Variants in RBFOX1 observed in about 807,000 individuals in gnomAD.
RBFOX1 encodes the protein RNA binding protein fox-1 homolog 1.
RBFOX1 carries 8 observed loss-of-function variants against 57.7 expected under a neutral mutation model. The ratio of observed to expected loss-of-function variants is 0.14; its 90% CI spans 0.08 to 0.25. The LOEUF is 0.25. RBFOX1 is among the 10% of genes least tolerant of loss of function. The pLI, the probability that RBFOX1 is intolerant of heterozygous loss-of-function variation, is 1.00. For missense variants in RBFOX1, 611 were observed against 548.5 expected (o/e 1.11, Z -1.14); for synonymous variants, 326 against 222.4 (o/e 1.47, Z -4.15).
At chr16:5,877,142 A>T (rs2151911913) in intron 4 of RBFOX1, among the ~76,000 whole-genome samples, 1 of 152,350 alleles carries the variant, frequency 6.6e-6, no homozygotes, top group South Asian at 2.1e-4. Context: ...GAGGGAAAAG[A>T]GATTGTGTCT....
At chr16:5,656,405 G>A (rs1470126030) in intron 3 of RBFOX1, among the ~76,000 whole-genome samples, 1 of 152,076 alleles carries the variant, frequency 6.6e-6, no homozygotes, top group Non-Finnish European at 1.5e-5. Flanking sequence ...TAAGAGTGCT[G>A]GTTGGAATAA....
intron 4 of RBFOX1, among the ~76,000 whole-genome samples, chr16:7,217,450 A>G (rs1309790483): frequency 6.6e-6 from 1 of 151,782 alleles, no homozygotes; most frequent in African/African-American, 2.4e-5. Flanking sequence ...AGCAGGATTT[A>G]TGAGCGAAAG....
At chr16:7,049,649 C>T (rs2049279886) in intron 3 of RBFOX1, among the ~76,000 whole-genome samples, 1 of 152,066 alleles carries the variant, frequency 6.6e-6, no homozygotes, top group Non-Finnish European at 1.5e-5. Context: ...GGTAATTCAC[C>T]ACTTATGTGG....
intron 4 of RBFOX1, among the ~76,000 whole-genome samples, chr16:7,289,758 C>T (rs1372761384): frequency 6.6e-6 from 1 of 152,066 alleles, no homozygotes; most frequent in Non-Finnish European, 1.5e-5. Flanking sequence ...TGTATTAGTC[C>T]ATGCTATCAA....
chr16:6,849,402 C>T (rs1471545468), intron 3 of RBFOX1, among the ~76,000 whole-genome samples: 4 of 152,264 alleles, frequency 2.6e-5, no homozygotes, highest in African/African-American at 9.6e-5. Flanking sequence ...GGTGTGGTGG[C>T]TCACACCTGT....
intron 5 of RBFOX1, among the ~76,000 whole-genome samples, chr16:7,520,261 TG>T (rs1409596860): frequency 6.6e-6 from 1 of 152,218 alleles, no homozygotes; most frequent in African/African-American, 2.4e-5. Flanking sequence ...TAATTTATTG[TG>T]GTAAAATACA....
chr16:6,601,341 T>G (rs944948840), intron 2 of RBFOX1, among the ~76,000 whole-genome samples: 1 of 152,144 alleles, frequency 6.6e-6, no homozygotes, highest in African/African-American at 2.4e-5. Context: ...TCATTAGAGT[T>G]TCTTGTCTAC....
chr16:5,913,269 C>A (rs1397992516), intron 4 of RBFOX1, among the ~76,000 whole-genome samples: 1 of 152,188 alleles, frequency 6.6e-6, no homozygotes, highest in Non-Finnish European at 1.5e-5. Flanking sequence ...CCACCCCTAC[C>A]ATGTATGGGT....
At chr16:7,393,362 A>T (rs1432538649) in intron 4 of RBFOX1, among the ~76,000 whole-genome samples, 1 of 152,194 alleles carries the variant, frequency 6.6e-6, no homozygotes, top group East Asian at 1.9e-4. Flanking sequence ...TCTGGATGTC[A>T]ATCCACAAGT....
intron 4 of RBFOX1, among the ~76,000 whole-genome samples, chr16:7,385,915 G>A (rs1057283523): frequency 1.2e-4 from 11 of 88,966 alleles, no homozygotes; most frequent in Non-Finnish European, 2.3e-4. Flanking sequence ...ACCATGCCCA[G>A]TTACTTATTT....
chr16:6,350,984 G>A (rs2086254083), intron 2 of RBFOX1, among the ~76,000 whole-genome samples: 1 of 152,154 alleles, frequency 6.6e-6, no homozygotes, highest in Admixed American at 6.6e-5. Flanking sequence ...CAGGCAGTGG[G>A]CACTTGGCTG....
chr16:5,905,280 G>A (rs766080599), intron 4 of RBFOX1, among the ~76,000 whole-genome samples: 4 of 151,540 alleles, frequency 2.6e-5, no homozygotes, highest in Non-Finnish European at 4.4e-5. Flanking sequence ...CTAGAACTCC[G>A]GACCTCAGGT....
chr16:6,527,479 A>G (rs966337276), intron 2 of RBFOX1, among the ~76,000 whole-genome samples: 3 of 152,084 alleles, frequency 2.0e-5, no homozygotes, highest in African/African-American at 7.2e-5. Flanking sequence ...GTGGATAAAT[A>G]TTCAAGTTGA....
chr16:6,370,585 A>C (rs1419520787), intron 2 of RBFOX1, among the ~76,000 whole-genome samples: 1 of 152,200 alleles, frequency 6.6e-6, no homozygotes, highest in Non-Finnish European at 1.5e-5. Flanking sequence ...AACCAGTCGC[A>C]AAAGGACAAA....
intron 2 of RBFOX1, among the ~76,000 whole-genome samples, chr16:6,476,988 C>A (rs2095283402): frequency 6.6e-6 from 1 of 152,124 alleles, no homozygotes; most frequent in Non-Finnish European, 1.5e-5. Context: ...GAAGAAACTC[C>A]TCATCTGTTA....
chr16:6,119,959 C>A (rs1043584445), intron 1 of RBFOX1, among the ~76,000 whole-genome samples: 1 of 152,222 alleles, frequency 6.6e-6, no homozygotes, highest in Admixed American at 6.5e-5. Context: ...CTGCCCCAGC[C>A]CTTAGCAATC....
chr16:6,807,433 G>C (rs957654633), intron 3 of RBFOX1, among the ~76,000 whole-genome samples: 1 of 152,086 alleles, frequency 6.6e-6, no homozygotes, highest in African/African-American at 2.4e-5. Flanking sequence ...ACCTGGATGG[G>C]AAATGCTGGA....
rs149117931 is a variant in RBFOX1, at chr16:5,777,945, C to G, written c.319-89358C>G. Among the ~76,000 whole-genome samples the G allele has an allele frequency of 4.3e-3, 653 of 152,210 alleles. 6 individuals carry two copies. The highest frequency in any genetic ancestry group is 0.015 in the African/African-American group (615 of 41,504). On this transcript the variant is annotated intron_variant, in intron 3 of 19. Transcript: ENST00000641259. Reference sequence around the variant, plus strand: ...TTTTATTTCATTTATTCTTCATAACCACCATTTGAAGTATGTGGTCACGTC... The same window carrying G: ...TTTTATTTCATTTATTCTTCATAACGACCATTTGAAGTATGTGGTCACGTC...
chr16:5,465,726 A>C (rs1051897401), intron 1 of RBFOX1, among the ~76,000 whole-genome samples: 1 of 152,236 alleles, frequency 6.6e-6, no homozygotes, highest in African/African-American at 2.4e-5. Flanking sequence ...TCAGGCCTTC[A>C]GTGGATGTTT....
Sources: gnomAD v4.1 joint callset for allele counts (sites outside exome capture counted in the v4.1 genomes callset) on GRCh38, gnomAD v4.1.1 for gene constraint, MANE v1.5 for transcripts, NCBI Gene and HGNC (gene_info 2026-07-23, HGNC 2026-07-21) for gene names.